The following RSRC1 variants were observed in gnomAD, a reference collection of about 807,000 sequenced individuals.
The protein encoded by RSRC1 is arginine and serine rich coiled-coil 1.
A neutral mutation model predicts 49.1 loss-of-function variants in RSRC1; 39 were observed. That is an observed-to-expected ratio of 0.79 (90% CI 0.61 to 1.04). The LOEUF (loss-of-function observed/expected upper bound fraction) is 1.04, where lower values mean the gene tolerates loss of function less well. Among genes scored for constraint, RSRC1 ranks in the 50% least tolerant of loss-of-function variants. The pLI is 0.00. For missense variants in RSRC1, 388 were observed against 402.4 expected (o/e 0.96, Z 0.31); for synonymous variants, 143 against 130.8 (o/e 1.09, Z -0.63).
At chr3:158,202,562 T>TTTTTTATATATATATA (rs369404609) in intron 3 of RSRC1, among the ~76,000 whole-genome samples, 1 of 92,024 alleles carries the variant, frequency 1.1e-5, no homozygotes, top group African/African-American at 5.3e-5. Flanking sequence ...GTCTGGTAGA[T>TTTTTTATATATATATA]TATATATATA....
intron 1 of RSRC1, among the ~76,000 whole-genome samples, chr3:158,121,824 A>C (rs57741231): frequency 0.016 from 2,391 of 152,246 alleles, 83 homozygotes; most frequent in African/African-American, 0.055. Context: ...GACTTTTAAA[A>C]ATTTTACAAA....
intron 7 of RSRC1, among the ~76,000 whole-genome samples, chr3:158,476,137 A>T (rs1056792867): frequency 2.0e-5 from 3 of 152,292 alleles, no homozygotes; most frequent in African/African-American, 7.2e-5. Flanking sequence ...CCAAATCCAG[A>T]GGAAGGTCCT....
chr3:158,161,963 G>C (rs896276156), intron 3 of RSRC1, among the ~76,000 whole-genome samples: 1 of 152,114 alleles, frequency 6.6e-6, no homozygotes, highest in African/African-American at 2.4e-5. Context: ...TTGGGTGACG[G>C]AGTGAGACCC....
intron 7 of RSRC1, among the ~76,000 whole-genome samples, chr3:158,518,194 A>G (rs1174526747): frequency 9.5e-6 from 1 of 105,546 alleles, no homozygotes; most frequent in African/African-American, 3.7e-5. Flanking sequence ...TTGCATCTGC[A>G]TTCATGATTT....
intron 3 of RSRC1, among the ~76,000 whole-genome samples, chr3:158,177,600 T>G (rs1167162601): frequency 6.6e-6 from 1 of 150,482 alleles, no homozygotes; most frequent in African/African-American, 2.5e-5. Context: ...ATGAGAACAC[T>G]TGGACACGGG....
Position 158,261,528 on chromosome 3 carries a change from T to C in RSRC1, c.495-36511T>C, listed in dbSNP as rs1297362737. Among the ~76,000 whole-genome samples, 4 of 152,158 alleles carry C rather than the reference T, an allele frequency of 2.6e-5. 1 individual carries two copies. The Middle Eastern group carries it at 9.5e-3, about 361-fold the overall frequency. ...GGATTCAAGTACTTTAACACAGAGG[T>C]CCCCAGCTGGCTCATGGCCTGTTAG... On this transcript the variant is annotated intron_variant, in intron 4 of 9. Coordinates refer to ENST00000611884, the MANE Select transcript of RSRC1 (RefSeq NM_001271838.2).
intron 3 of RSRC1, among the ~76,000 whole-genome samples, chr3:158,198,277 G>T (rs563323290): frequency 1.1e-4 from 16 of 152,048 alleles, no homozygotes; most frequent in Non-Finnish European, 2.2e-4. Context: ...ATTTGTGTTG[G>T]TTTAAAGTCT....
At chr3:158,260,065 C>T (rs1168094196) in intron 4 of RSRC1, among the ~76,000 whole-genome samples, 3 of 152,134 alleles carry the variant, frequency 2.0e-5, no homozygotes, top group African/African-American at 7.2e-5. Flanking sequence ...ACTTGGTGCT[C>T]TACCCCAGTG....
chr3:158,117,881 T>TTTCTTTCTTTCTTTCTTTC, intron 1 of RSRC1, among the ~76,000 whole-genome samples: 1 of 150,484 alleles, frequency 6.6e-6, no homozygotes, highest in African/African-American at 2.5e-5. Flanking sequence ...GTCTGTCTCT[T>TTTCTTTCTTTCTTTCTTTC]TTTCTTTCTT....
At chr3:158,211,073 A>G (rs1010110622) in intron 4 of RSRC1, among the ~76,000 whole-genome samples, 4 of 152,066 alleles carry the variant, frequency 2.6e-5, no homozygotes, top group African/African-American at 9.7e-5. Context: ...GAGTAGCCTC[A>G]TGCTGGACTT....
At chr3:158,119,832 C>CT (rs35646318) in intron 1 of RSRC1, among the ~76,000 whole-genome samples, 5,753 of 128,970 alleles carry the variant, frequency 0.045, 478 homozygotes, top group African/African-American at 0.13. Context: ...ATTTCATAGT[C>CT]TTTTTTTTTT....
intron 5 of RSRC1, among the ~76,000 whole-genome samples, chr3:158,330,244 C>A (rs1274864355): frequency 6.6e-6 from 1 of 152,216 alleles, no homozygotes; most frequent in Non-Finnish European, 1.5e-5. Context: ...CACTGTCCTG[C>A]CCCCACTGTC....
chr3:158,497,933 C>T (rs1578547543), intron 7 of RSRC1, among the ~76,000 whole-genome samples: 1 of 152,060 alleles, frequency 6.6e-6, no homozygotes, highest in Non-Finnish European at 1.5e-5. Context: ...TATATATATA[C>T]ACACATATCT....
At chr3:158,384,481 A>G (rs529505335) in intron 6 of RSRC1, among the ~76,000 whole-genome samples, 1 of 152,264 alleles carries the variant, frequency 6.6e-6, no homozygotes, top group East Asian at 1.9e-4. Context: ...CAGGAATAGC[A>G]TGGCACACTC....
intron 6 of RSRC1, among the ~76,000 whole-genome samples, chr3:158,362,667 G>A (rs1370566290): frequency 2.6e-5 from 4 of 152,092 alleles, no homozygotes; most frequent in Non-Finnish European, 5.9e-5. Flanking sequence ...ATTTCACAGG[G>A]GATGGAGGGA....
At chr3:158,193,747 G>A (rs827150) in intron 3 of RSRC1, among the ~76,000 whole-genome samples, 87,948 of 151,752 alleles carry the variant, frequency 0.58, 25,779 homozygotes, top group East Asian at 0.73. Flanking sequence ...AATCAGAAAA[G>A]AATCAGGTAA....
In RSRC1 at chr3:158,171,084, C is replaced by T. The variant is rs553695053; in HGVS notation, c.321-31988C>T. 4.6e-5 allele frequency among the ~76,000 whole-genome samples: 7 copies of T among 152,290 alleles called. No homozygotes were observed. In the South Asian group the frequency reaches 1.0e-3, roughly 23 times the overall value. On this transcript the variant is annotated intron_variant, in intron 3 of 9. Transcript: ENST00000611884. ...AGAGATCCTCTTATTCTGTGTATGA[C>T]TGGCACAAGACCTGGACTCACCCTT...
intron 6 of RSRC1, among the ~76,000 whole-genome samples, chr3:158,407,166 T>A (rs1181438154): frequency 1.3e-5 from 2 of 152,148 alleles, no homozygotes; most frequent in Admixed American, 6.6e-5. Flanking sequence ...CAGTTTGTTT[T>A]AAAGCAATTG....
At chr3:158,142,215 C>A (rs1364599732) in intron 3 of RSRC1, among the ~76,000 whole-genome samples, 1 of 152,178 alleles carries the variant, frequency 6.6e-6, no homozygotes, top group Non-Finnish European at 1.5e-5. Flanking sequence ...TGCTTACCTT[C>A]ATTGTAGATT....
Sources: gnomAD v4.1 joint callset for allele counts (sites outside exome capture counted in the v4.1 genomes callset) on GRCh38, gnomAD v4.1.1 for gene constraint, MANE v1.5 for transcripts, NCBI Gene and HGNC (gene_info 2026-07-23, HGNC 2026-07-21) for gene names.